The following TMEM63C variants were observed in gnomAD, a reference collection of about 807,000 sequenced individuals.
TMEM63C encodes the protein transmembrane protein 63C, also known as osmosensitive cation channel TMEM63C.
A neutral mutation model predicts 99.2 loss-of-function variants in TMEM63C; 32 were observed. That is an observed-to-expected ratio of 0.32 (90% CI 0.24 to 0.43). TMEM63C has a LOEUF of 0.43. Among genes scored for constraint, TMEM63C ranks in the 20% least tolerant of loss-of-function variants. The pLI, the probability that TMEM63C is intolerant of heterozygous loss-of-function variation, is 1.00. For synonymous variants in TMEM63C, 376 were observed against 397.9 expected (o/e 0.94, Z 0.66); for missense variants, 826 against 1,053.0 (o/e 0.78, Z 2.98).
At chr14:77,220,396 C>T (rs570500521) in intron 5 of TMEM63C, among the ~76,000 whole-genome samples, 14 of 152,308 alleles carry the variant, frequency 9.2e-5, no homozygotes, top group South Asian at 4.1e-4. Context: ...CTCACAGTCC[C>T]GTCCTGCCCA....
intron 10 of TMEM63C, among the ~76,000 whole-genome samples, chr14:77,239,027 A>G (rs1471697289): frequency 1.3e-5 from 2 of 152,194 alleles, no homozygotes; most frequent in East Asian, 1.9e-4. Flanking sequence ...TGTTGCTTCA[A>G]CTACTGAGCA....
rs775465316 is a variant in TMEM63C at position 77,242,351 on chromosome 14, C to T, written c.1069C>T (p.Arg357Cys). ...FQDSRMAKRV[R>C]KDYKYVQCGV... Reference sequence around the variant, plus strand: ...CCTCTTCTCCCCTCTCTGCAGTGTCCGTAAGGATTACAAGTATGTCCAGTG... The same window carrying T: ...CCTCTTCTCCCCTCTCTGCAGTGTCTGTAAGGATTACAAGTATGTCCAGTG... The change falls in exon 14 of 24, where the codon CGT becomes TGT. Residue 357 changes from arginine (R) to cysteine (C), a missense_variant. By Grantham distance (180) the Arg-to-Cys change is radical. Coordinates refer to ENST00000298351, the MANE Select transcript of TMEM63C (RefSeq NM_020431.4). 5.0e-6 allele frequency: 8 copies of T among 1,610,980 alleles called. No homozygotes were observed. Among genetic ancestry groups the T allele is most frequent in the South Asian group, 1.1e-5 (1 of 90,978 alleles).
intron 2 of TMEM63C, among the ~76,000 whole-genome samples, 182 bp from the exon 3 acceptor site, chr14:77,218,619 C>T (rs1363906518): frequency 6.6e-6 from 1 of 152,248 alleles, no homozygotes; most frequent in Non-Finnish European, 1.5e-5. Flanking sequence ...TTTGAGGCAG[C>T]TGTTCTCTTG....
chr14:77,254,231 C>T (rs570762426), intron 23 of TMEM63C, among the ~76,000 whole-genome samples: 9 of 152,262 alleles, frequency 5.9e-5, no homozygotes, highest in Non-Finnish European at 1.2e-4. Context: ...GTTTTCGGCA[C>T]GGTGGAAATG....
intron 23 of TMEM63C, 104 bp from the exon 24 acceptor site, chr14:77,256,422 G>A (rs1889461663): frequency 2.6e-6 from 3 of 1,141,970 alleles, no homozygotes. Context: ...CCAAGGTCTG[G>A]AGGAGACAGA....
chr14:77,253,820 G>A (rs148724812), intron 23 of TMEM63C, among the ~76,000 whole-genome samples: 11 of 152,330 alleles, frequency 7.2e-5, no homozygotes, highest in African/African-American at 1.9e-4. Flanking sequence ...CGAAATGAGC[G>A]AGCCTGTCTG....
chr14:77,189,364 C>A (rs879603646), intron 1 of TMEM63C, among the ~76,000 whole-genome samples: 10 of 152,154 alleles, frequency 6.6e-5, no homozygotes, highest in Admixed American at 4.6e-4. Context: ...GTGATCCACC[C>A]ATGTGGGCCT....
intron 1 of TMEM63C, among the ~76,000 whole-genome samples, chr14:77,198,032 C>T (rs566596014): frequency 6.6e-6 from 1 of 152,366 alleles, no homozygotes; most frequent in East Asian, 1.9e-4. Flanking sequence ...ACTGGGCCTG[C>T]AAATGCAGTG....
At chr14:77,224,139 A>G (rs1412657476) in intron 5 of TMEM63C, among the ~76,000 whole-genome samples, 1 of 151,944 alleles carries the variant, frequency 6.6e-6, no homozygotes, top group Non-Finnish European at 1.5e-5. Flanking sequence ...GGCCATTGTC[A>G]CCATCAGCCA....
At chr14:77,219,920 C>T in intron 4 of TMEM63C, 86 bp from the exon 5 acceptor site, 1 of 1,322,038 alleles carries the variant, frequency 7.6e-7, no homozygotes, top group South Asian at 1.3e-5. Context: ...GGGCAGCCCT[C>T]AGCCAGGGAG....
At chr14:77,197,422 A>G (rs1488854286) in intron 1 of TMEM63C, among the ~76,000 whole-genome samples, 1 of 152,242 alleles carries the variant, frequency 6.6e-6, no homozygotes, top group Non-Finnish European at 1.5e-5. Flanking sequence ...TTATTAGAAG[A>G]GGCAGCAGTG....
intron 13 of TMEM63C, 124 bp downstream of exon 13, chr14:77,240,732 G>A (rs1889154167): frequency 2.4e-6 from 3 of 1,249,744 alleles, no homozygotes; most frequent in Non-Finnish European, 3.3e-6. Context: ...GTCACAGGCA[G>A]CTGCCATCTG....
intron 16 of TMEM63C, 41 bp downstream of exon 16, chr14:77,244,496 A>G: frequency 6.5e-7 from 1 of 1,528,114 alleles, no homozygotes; most frequent in Non-Finnish European, 9.1e-7. Context: ...TGGTTTCTCC[A>G]GCCTCTTCCC....
At chr14:77,242,122 A>C (rs8007762) in intron 13 of TMEM63C, among the ~76,000 whole-genome samples, 27,698 of 152,214 alleles carry the variant, frequency 0.18, 2,998 homozygotes, top group African/African-American at 0.3. Flanking sequence ...CTGCCTGGGC[A>C]GTCTAGGCAC....
chr14:77,204,661 C>T (rs1888365319), intron 1 of TMEM63C, among the ~76,000 whole-genome samples: 1 of 152,156 alleles, frequency 6.6e-6, no homozygotes, highest in Non-Finnish European at 1.5e-5. Context: ...TACGTCATCC[C>T]GTAAACAACA....
At chr14:77,194,722 C>T (rs1471076666) in intron 1 of TMEM63C, among the ~76,000 whole-genome samples, 1 of 140,854 alleles carries the variant, frequency 7.1e-6, no homozygotes, top group East Asian at 2.1e-4. Flanking sequence ...TACAGGCGGA[C>T]ACCACCACAT....
chr14:77,210,635 C>G (rs1163538826), intron 1 of TMEM63C, among the ~76,000 whole-genome samples: 1 of 151,994 alleles, frequency 6.6e-6, no homozygotes, highest in African/African-American at 2.4e-5. Context: ...AGAGGGGGTC[C>G]CTCCGTGAGA....
chr14:77,234,296 G>A (rs1888997369), intron 8 of TMEM63C, among the ~76,000 whole-genome samples: 1 of 151,920 alleles, frequency 6.6e-6, no homozygotes, highest in African/African-American at 2.4e-5. Flanking sequence ...ATACACCTTG[G>A]AGCAGACTGG....
chr14:77,191,188 T>A (rs7156483), intron 1 of TMEM63C, among the ~76,000 whole-genome samples: 4,205 of 152,302 alleles, frequency 0.028, 172 homozygotes, highest in African/African-American at 0.086. Flanking sequence ...TTAAGACTAC[T>A]TCATTCTTGA....
Sources: gnomAD v4.1 joint callset for allele counts (sites outside exome capture counted in the v4.1 genomes callset) on GRCh38, gnomAD v4.1.1 for gene constraint, MANE v1.5 for transcripts, NCBI Gene and HGNC (gene_info 2026-07-23, HGNC 2026-07-21) for gene names.